GNAQ: variants seen among roughly 807,000 people sequenced by gnomAD.
The protein encoded by GNAQ is G protein subunit alpha q, also known as guanine nucleotide-binding protein G(q) subunit alpha.
In GNAQ, 8 loss-of-function variants were observed where a neutral mutation model predicts 43.9. The ratio of observed to expected loss-of-function variants is 0.18; its 90% CI spans 0.11 to 0.33. The LOEUF (loss-of-function observed/expected upper bound fraction) is 0.33, where lower values mean the gene tolerates loss of function less well. Ranked by LOEUF, GNAQ falls within the 10% of genes least tolerant of loss-of-function variation. The pLI is 1.00. For synonymous variants in GNAQ, 155 were observed against 170.7 expected, an observed-to-expected ratio of 0.91 and a Z score of 0.71; for missense variants, 158 against 450.8, an observed-to-expected ratio of 0.35 and a Z score of 5.88.
intron 2 of GNAQ, among the ~76,000 whole-genome samples, chr9:77,824,079 C>T (rs1037157765): frequency 6.6e-6 from 1 of 152,128 alleles, no homozygotes; most frequent in Admixed American, 6.6e-5. Context: ...TGTTCTTAGC[C>T]ATATCTCTTT....
intron 2 of GNAQ, among the ~76,000 whole-genome samples, chr9:77,826,323 T>C (rs1055828580): frequency 6.6e-6 from 1 of 152,190 alleles, no homozygotes; most frequent in Non-Finnish European, 1.5e-5. Flanking sequence ...GTCCTTGTTG[T>C]GTGCTTTGTG....
intron 2 of GNAQ, among the ~76,000 whole-genome samples, chr9:77,899,536 C>G (rs1828561577): frequency 1.5e-5 from 2 of 137,204 alleles, no homozygotes; most frequent in Non-Finnish European, 3.2e-5. Context: ...AGGCATTATT[C>G]AAAGAATCAC....
rs573391824 is a variant in GNAQ, at chr9:77,952,973, G to C, written c.137-30628C>G. Among the ~76,000 whole-genome samples the C allele has an allele frequency of 3.3e-5, 5 of 152,238 alleles. No homozygotes were observed. The South Asian group carries it at 8.3e-4, about 25-fold the overall frequency. On this transcript the variant is annotated intron_variant, in intron 1 of 6. Transcript: ENST00000286548. Reference sequence around the variant, plus strand: ...TGTTGTTGTTAATTCACTACACAGAGGTTTGAATAAACACAGAAAACTTGT... The same window carrying C: ...TGTTGTTGTTAATTCACTACACAGACGTTTGAATAAACACAGAAAACTTGT...
intron 5 of GNAQ, among the ~76,000 whole-genome samples, chr9:77,793,911 G>A (rs906564796): frequency 5.9e-5 from 9 of 152,218 alleles, no homozygotes; most frequent in Middle Eastern, 3.4e-3. Context: ...ACTGCTCACT[G>A]CTTAATAGAG....
intron 1 of GNAQ, among the ~76,000 whole-genome samples, chr9:78,004,025 A>G (rs899201146): frequency 6.6e-6 from 1 of 152,114 alleles, no homozygotes; most frequent in Non-Finnish European, 1.5e-5. Flanking sequence ...ACAAATGTGT[A>G]TAAATCATCA....
At chr9:77,960,203 T>C (rs564263453) in intron 1 of GNAQ, among the ~76,000 whole-genome samples, 1 of 152,330 alleles carries the variant, frequency 6.6e-6, no homozygotes, top group Non-Finnish European at 1.5e-5. Context: ...TATTGCATTT[T>C]TTCTGCTCTC....
chr9:78,004,551 A>G (rs920734876), intron 1 of GNAQ, among the ~76,000 whole-genome samples: 2 of 152,134 alleles, frequency 1.3e-5, no homozygotes, highest in African/African-American at 4.8e-5. Context: ...CTTCTCCCCA[A>G]GCTTGACCTC....
intron 5 of GNAQ, among the ~76,000 whole-genome samples, chr9:77,789,837 C>T (rs1477095245): frequency 6.6e-6 from 1 of 151,966 alleles, no homozygotes; most frequent in Non-Finnish European, 1.5e-5. Context: ...TTCCCTATAC[C>T]CGGATCAGCA....
intron 1 of GNAQ, among the ~76,000 whole-genome samples, chr9:77,964,748 G>T (rs1471743172): frequency 6.6e-6 from 1 of 152,070 alleles, no homozygotes; most frequent in Non-Finnish European, 1.5e-5. Context: ...TAGAAACTAA[G>T]TAATAATGAA....
rs546521190 is a variant in GNAQ, at chr9:77,804,827, G to C, written c.477-7179C>G. Among the ~76,000 whole-genome samples the C allele has an allele frequency of 4.6e-5, 7 of 152,156 alleles. No homozygotes were observed. In the East Asian group the frequency reaches 1.4e-3, roughly 29 times the overall value. On this transcript the variant is annotated intron_variant, in intron 3 of 6. Transcript: ENST00000286548. ...ATGGCACAGAAAATGATTCTGGGTA[G>C]GTCTTCACATTTTTAATTATTGAAA...
At chr9:78,014,095 C>A (rs1302496856) in intron 1 of GNAQ, among the ~76,000 whole-genome samples, 1 of 152,056 alleles carries the variant, frequency 6.6e-6, no homozygotes, top group African/African-American at 2.4e-5. Flanking sequence ...AGAGTACATA[C>A]CTTTCAAATT....
chr9:77,771,157 T>G (rs999834212), intron 5 of GNAQ, among the ~76,000 whole-genome samples: 2 of 152,192 alleles, frequency 1.3e-5, no homozygotes, highest in Non-Finnish European at 2.9e-5. Flanking sequence ...ATAACCTGAA[T>G]GCAAGCTCTT....
At chr9:77,831,360 A>T (rs925177576) in intron 2 of GNAQ, among the ~76,000 whole-genome samples, 3 of 152,204 alleles carry the variant, frequency 2.0e-5, no homozygotes, top group Non-Finnish European at 4.4e-5. Flanking sequence ...TTTAAAAGGC[A>T]GTCTACACTG....
chr9:77,869,745 C>A (rs1828006372), intron 2 of GNAQ, among the ~76,000 whole-genome samples: 2 of 152,196 alleles, frequency 1.3e-5, no homozygotes, highest in Admixed American at 6.5e-5. Context: ...CTCCTCTAAG[C>A]AGTCCTCATT....
In GNAQ at chr9:77,943,387, G is replaced by A. The variant is rs1279257529; in HGVS notation, c.137-21042C>T. ...AATATGTTGTAACAGATTTGCAAAT[G>A]TAACATGACACGGGCAAGAACACTG... is the stretch of plus-strand genomic sequence containing the variant. On this transcript the variant is annotated intron_variant, in intron 1 of 6. Transcript: ENST00000286548. Among the ~76,000 whole-genome samples, 3 of 152,322 alleles carry A rather than the reference G, an allele frequency of 2.0e-5. No individual in the cohort carries two copies. In the East Asian group the frequency reaches 5.8e-4, roughly 29 times the overall value.
chr9:77,829,184 T>C (rs1342265916), intron 2 of GNAQ, among the ~76,000 whole-genome samples: 1 of 152,224 alleles, frequency 6.6e-6, no homozygotes, highest in African/African-American at 2.4e-5. Flanking sequence ...TAACCCAACA[T>C]ATAAGAAACA....
At chr9:78,013,757 C>A (rs568194883) in intron 1 of GNAQ, among the ~76,000 whole-genome samples, 42 of 152,184 alleles carry the variant, frequency 2.8e-4, no homozygotes, top group African/African-American at 9.9e-4. Context: ...CAGAGGTTGG[C>A]AAATACCTGC....
chr9:77,727,755 G>C (rs1429263304), intron 6 of GNAQ, among the ~76,000 whole-genome samples: 1 of 152,162 alleles, frequency 6.6e-6, no homozygotes, highest in East Asian at 1.9e-4. Flanking sequence ...GAAAAATCAA[G>C]TGACTTGATG....
At position 77,961,547 on chromosome 9, in the gene GNAQ, AAGGTTCACAC is replaced by A. The variant is rs765480791; in HGVS notation, c.137-39212_137-39203del. On this transcript the variant is annotated intron_variant, in intron 1 of 6. Transcript: ENST00000286548. The stretch of plus-strand genomic sequence containing the variant: ...GGAACACATAGTCTGAACAATTCCC[AAGGTTCACAC>A]AGGTTCACTGCACCACAAAGAAGGA... Among the ~76,000 whole-genome samples, 9 of 152,198 alleles carry A rather than the reference AAGGTTCACAC, an allele frequency of 5.9e-5. 1 individual carries two copies. The highest frequency in any genetic ancestry group is 1.5e-5 in the Non-Finnish European group (1 of 68,028).
Sources: allele counts gnomAD v4.1 joint callset (sites outside exome capture counted in the v4.1 genomes callset), GRCh38; gene constraint gnomAD v4.1.1; transcripts MANE v1.5; gene names NCBI Gene and HGNC (gene_info 2026-07-23, HGNC 2026-07-21).